Variants in FKBP9 observed in about 807,000 individuals in gnomAD.
FKBP9 encodes FKBP prolyl isomerase 9.
In FKBP9, 27 loss-of-function variants were observed where a neutral mutation model predicts 55.6. The ratio of observed to expected loss-of-function variants is 0.49; its 90% CI spans 0.36 to 0.67. FKBP9 has a LOEUF of 0.67. Among genes scored for constraint, FKBP9 ranks in the 30% least tolerant of loss-of-function variants. The pLI is 0.00. For missense variants in FKBP9, 539 were observed against 742.8 expected, an observed-to-expected ratio of 0.73 and a Z score of 3.19; for synonymous variants, 267 against 296.5, an observed-to-expected ratio of 0.90 and a Z score of 1.02.
intron 1 of FKBP9, among the ~76,000 whole-genome samples, chr7:32,971,325 T>C (rs1463727649): frequency 8.5e-5 from 13 of 152,238 alleles, no homozygotes; most frequent in African/African-American, 2.7e-4. Flanking sequence ...CTTATATAAA[T>C]GTATACATTT....
chr7:32,962,448 TC>T (rs1294661965), intron 1 of FKBP9, among the ~76,000 whole-genome samples: 1 of 152,096 alleles, frequency 6.6e-6, no homozygotes, highest in East Asian at 1.9e-4. Flanking sequence ...GGGGTCAACT[TC>T]ATTTTGTATA....
At chr7:32,992,799 G>A (rs1440752985) in intron 6 of FKBP9, 3 of 226,494 alleles carry the variant, frequency 1.3e-5, no homozygotes, top group Admixed American at 5.7e-5. Context: ...CGGTGTTAGG[G>A]ATTCAGCAGA....
intron 4 of FKBP9, chr7:32,979,333 C>T (rs1784424703): frequency 4.9e-6 from 3 of 610,318 alleles, no homozygotes; most frequent in Non-Finnish European, 5.8e-6. Flanking sequence ...TCATTTTTCT[C>T]TTAAATGAAA....
intron 6 of FKBP9, among the ~76,000 whole-genome samples, chr7:32,990,715 C>T (rs1784663975): frequency 6.6e-6 from 1 of 152,356 alleles, no homozygotes; most frequent in East Asian, 1.9e-4. Flanking sequence ...TGCTCCCTCG[C>T]TTAGCAATAG....
At chr7:32,991,034 G>C (rs1416112335) in intron 6 of FKBP9, among the ~76,000 whole-genome samples, 1 of 152,186 alleles carries the variant, frequency 6.6e-6, no homozygotes, top group Non-Finnish European at 1.5e-5. Context: ...CTAGTGTCTT[G>C]ATTCTCTATT....
rs76514913 is a variant in FKBP9, at chr7:32,959,481, C to A, written c.221+1687C>A. On this transcript the variant is annotated intron_variant, in intron 1 of 9. Coordinates refer to ENST00000242209, the MANE Select transcript of FKBP9 (RefSeq NM_007270.5). ...GAGATATAATGCCATACAATTTGCC[C>A]ATTTGGTGTGTACAATTCAGTGTTT... 1.4e-3 allele frequency among the ~76,000 whole-genome samples: 215 copies of A among 152,314 alleles called. 2 individuals carry two copies. In the East Asian group the frequency reaches 0.037, roughly 26 times the overall value.
intron 1 of FKBP9, among the ~76,000 whole-genome samples, chr7:32,964,040 A>G (rs1035596385): frequency 7.2e-5 from 11 of 152,258 alleles, no homozygotes; most frequent in African/African-American, 2.2e-4. Flanking sequence ...TGGTGTCAGA[A>G]CAACTGGCCA....
In FKBP9 at chr7:32,963,706, A is replaced by C. The variant is rs145926836; in HGVS notation, c.221+5912A>C. On this transcript the variant is annotated intron_variant, in intron 1 of 9. Transcript: ENST00000242209. ...GGGTCCAGAATCATGGACTGAGGTG[A>C]CTTTCTGCCTCTCTCCAAGGGGTTG... 1.4e-4 allele frequency: 187 copies of C among 1,354,220 alleles called. 1 individual carries two copies. The African/African-American group carries it at 2.3e-3, about 17-fold the overall frequency. The allele number at this position is 1,354,220 out of a possible 1,614,324, so 83.9% of individuals were successfully genotyped here.
At chr7:32,990,271 A>G (rs1784655126) in intron 6 of FKBP9, among the ~76,000 whole-genome samples, 1 of 152,214 alleles carries the variant, frequency 6.6e-6, no homozygotes, top group Admixed American at 6.5e-5. Flanking sequence ...GACCGGGGAA[A>G]AAGTGCTAAA....
intron 1 of FKBP9, among the ~76,000 whole-genome samples, chr7:32,974,036 C>G (rs1157254902): frequency 1.3e-5 from 2 of 151,420 alleles, no homozygotes; most frequent in Non-Finnish European, 2.9e-5. Flanking sequence ...TTTTTTGAGA[C>G]TCTGTCGCCC....
chr7:32,990,552 A>G (rs1300082516), intron 6 of FKBP9, among the ~76,000 whole-genome samples: 1 of 152,158 alleles, frequency 6.6e-6, no homozygotes, highest in Non-Finnish European at 1.5e-5. Context: ...GAGTTTATGT[A>G]TAGGTTTAAA....
chr7:32,976,255 A>G, intron 3 of FKBP9, 99 bp from the exon 4 acceptor site: 19 of 1,398,054 alleles, frequency 1.4e-5, no homozygotes, highest in Non-Finnish European at 1.8e-5. Flanking sequence ...GTATGGGATC[A>G]TCGTTTAGCT....
chr7:33,003,473 T>C (rs1311163076), intron 9 of FKBP9, among the ~76,000 whole-genome samples: 2 of 152,178 alleles, frequency 1.3e-5, no homozygotes, highest in Non-Finnish European at 2.9e-5. Context: ...TTTCCTTCCT[T>C]TACAGCAAAA....
Position 33,005,180 on chromosome 7 carries a change from A to G in FKBP9, c.1542A>G (p.Ser514=). 6.2e-7 allele frequency: 1 copy of G among 1,613,390 alleles called. No individual in the cohort carries two copies. Among genetic ancestry groups the G allele is most frequent in the Non-Finnish European group, 8.5e-7 (1 of 1,179,524 alleles). The change falls in exon 10 of 10, where the codon TCA becomes TCG. Residue 514 remains serine (S), a synonymous_variant. Coordinates refer to ENST00000242209, the MANE Select transcript of FKBP9 (RefSeq NM_007270.5). The part of the protein sequence containing the change: ...GNGEVLLEEF[S]EYIHAQVASG... ...CCTGTCCCCTTCTTTTCCAGTTCTC[A>G]GAGTACATTCACGCCCAGGTGGCAT...
chr7:32,972,706 G>A (rs1048750066), intron 1 of FKBP9, among the ~76,000 whole-genome samples: 63 of 151,946 alleles, frequency 4.1e-4, no homozygotes, highest in African/African-American at 1.5e-3. Context: ...ATTTTATACT[G>A]TGTTAACCTG....
chr7:33,002,543 C>G, intron 8 of FKBP9, 133 bp from the exon 9 acceptor site: 3 of 1,401,110 alleles, frequency 2.1e-6, no homozygotes, highest in Non-Finnish European at 2.9e-6. Flanking sequence ...TGACTAGCCT[C>G]TGCTCCGCTT....
At chr7:33,005,034 G>A (rs1785006281) in intron 9 of FKBP9, 141 bp from the exon 10 acceptor site, 1 of 1,410,566 alleles carries the variant, frequency 7.1e-7, no homozygotes, top group Admixed American at 2.7e-5. Flanking sequence ...AGGTCATATA[G>A]CTGCCAAAAA....
rs538848704 is a variant in FKBP9 at position 33,006,354 on chromosome 7, T to C, written c.*1003T>C. On this transcript the variant is annotated 3_prime_UTR_variant, in exon 10 of 10. Coordinates refer to ENST00000242209, the MANE Select transcript of FKBP9 (RefSeq NM_007270.5). Reference sequence around the variant, plus strand: ...GATGGTCTCAATCTCGACCTCGTGATCCGCCCACCTTGGCCTCCCAAAGTG... The same window carrying C: ...GATGGTCTCAATCTCGACCTCGTGACCCGCCCACCTTGGCCTCCCAAAGTG... 6 of 197,098 alleles carry C rather than the reference T, an allele frequency of 3.0e-5. No individual in the cohort carries two copies. The highest frequency in any genetic ancestry group is 1.2e-4 in the African/African-American group (5 of 43,410). 12.2% of individuals were successfully genotyped at this position (197,098 alleles called of 1,614,324 possible).
At chr7:32,988,843 C>T (rs758616448) in intron 6 of FKBP9, 191 bp downstream of exon 6, 1 of 573,990 alleles carries the variant, frequency 1.7e-6, no homozygotes, top group Non-Finnish European at 3.0e-6. Context: ...ATCCTCTTGC[C>T]TCAGCCTTCA....
Sources: allele counts gnomAD v4.1 joint callset (sites outside exome capture counted in the v4.1 genomes callset), GRCh38; gene constraint gnomAD v4.1.1; transcripts MANE v1.5; gene names NCBI Gene and HGNC (gene_info 2026-07-23, HGNC 2026-07-21).